Variants in CCSER1 observed in about 807,000 individuals in gnomAD.
CCSER1 encodes the protein serine-rich coiled-coil domain-containing protein 1.
CCSER1 carries 41 observed loss-of-function variants against 82.0 expected under a neutral mutation model. The observed-to-expected ratio is 0.50, with a 90% CI of 0.39 to 0.65. The LOEUF is 0.65. Ranked by LOEUF, CCSER1 falls within the 30% of genes least tolerant of loss-of-function variation. The pLI is 0.00. For missense variants in CCSER1, 1,119 were observed against 1,064.2 expected (o/e 1.05, Z -0.72); for synonymous variants, 414 against 383.9 (o/e 1.08, Z -0.92).
chr4:91,490,927 T>TATATAA (rs1560712521), intron 10 of CCSER1, among the ~76,000 whole-genome samples: 4 of 82,912 alleles, frequency 4.8e-5, no homozygotes, highest in African/African-American at 1.0e-4. Context: ...TATATATATA[T>TATATAA]AAAATATGCG....
intron 7 of CCSER1, among the ~76,000 whole-genome samples, chr4:90,759,379 A>T (rs944576675): frequency 6.6e-6 from 1 of 152,194 alleles, no homozygotes; most frequent in Non-Finnish European, 1.5e-5. Context: ...AATAGGACAA[A>T]ATGCTACCTC....
At chr4:90,352,893 T>A in intron 3 of CCSER1, among the ~76,000 whole-genome samples, 2 of 152,340 alleles carry the variant, frequency 1.3e-5, no homozygotes, top group Middle Eastern at 3.4e-3. Context: ...TTTAGCTTAC[T>A]GCTCCCCAGA....
At chr4:91,387,832 G>C (rs1751395346) in intron 10 of CCSER1, among the ~76,000 whole-genome samples, 1 of 151,980 alleles carries the variant, frequency 6.6e-6, no homozygotes, top group Non-Finnish European at 1.5e-5. Context: ...GTTCTTGAAG[G>C]AGCATTTAAA....
chr4:90,667,910 A>G (rs549795960), intron 6 of CCSER1, among the ~76,000 whole-genome samples: 2 of 152,302 alleles, frequency 1.3e-5, no homozygotes, highest in African/African-American at 4.8e-5. Flanking sequence ...CTGAAAATCT[A>G]TGCTAAACTT....
chr4:90,337,543 A>T (rs1453292399), intron 3 of CCSER1, among the ~76,000 whole-genome samples: 1 of 152,152 alleles, frequency 6.6e-6, no homozygotes, highest in East Asian at 1.9e-4. Flanking sequence ...ATTATTTTTC[A>T]CATACTACAA....
intron 10 of CCSER1, among the ~76,000 whole-genome samples, chr4:91,468,180 GGAA>G (rs1757041280): frequency 6.6e-6 from 1 of 152,094 alleles, no homozygotes; most frequent in Non-Finnish European, 1.5e-5. Context: ...CCATAAAAAA[GGAA>G]GAGTTCATGT....
Position 90,309,101 on chromosome 4 carries a change from G to A in CCSER1, c.817G>A (p.Ala273Thr). 6.2e-7 allele frequency: 1 copy of A among 1,613,876 alleles called. No individual in the cohort carries two copies. Among genetic ancestry groups the A allele is most frequent in the Non-Finnish European group, 8.5e-7 (1 of 1,179,852 alleles). ...LTEDSVSEMD[A>T]FSKSGSMASH... ...TGAAGATTCTGTGTCTGAAATGGATGCATTTTCTAAAAGTGGAAGCATGGC... is the reference window on the plus strand; with the variant it reads ...TGAAGATTCTGTGTCTGAAATGGATACATTTTCTAAAAGTGGAAGCATGGC... The change falls in exon 2 of 11, where the codon GCA becomes ACA. Residue 273 changes from alanine to threonine, a missense_variant. Physicochemically the swap from Ala to Thr is moderately conservative, Grantham distance 58. Transcript: ENST00000509176.
At chr4:91,021,636 C>T (rs951583132) in intron 9 of CCSER1, among the ~76,000 whole-genome samples, 2 of 152,082 alleles carry the variant, frequency 1.3e-5, no homozygotes, top group African/African-American at 4.8e-5. Context: ...TTAGGCTGAA[C>T]CATTCAGTTA....
At chr4:91,421,805 A>G (rs903019418) in intron 10 of CCSER1, among the ~76,000 whole-genome samples, 1 of 150,830 alleles carries the variant, frequency 6.6e-6, no homozygotes, top group African/African-American at 2.5e-5. Flanking sequence ...AATTAAAAAA[A>G]GTTAAAAAAA....
chr4:90,807,309 A>G (rs1161478634), intron 7 of CCSER1, among the ~76,000 whole-genome samples: 1 of 152,222 alleles, frequency 6.6e-6, no homozygotes, highest in Admixed American at 6.5e-5. Flanking sequence ...GTCTAGGAGT[A>G]TAAGTATTAA....
At chr4:90,158,462 G>T (rs567663067) in intron 1 of CCSER1, among the ~76,000 whole-genome samples, 1 of 152,152 alleles carries the variant, frequency 6.6e-6, no homozygotes, top group Admixed American at 6.5e-5. Flanking sequence ...TTTTGTTTTT[G>T]TGTGCCCTGC....
chr4:91,301,384 C>T (rs1463428416), intron 10 of CCSER1, among the ~76,000 whole-genome samples: 1 of 151,632 alleles, frequency 6.6e-6, no homozygotes, highest in Non-Finnish European at 1.5e-5. Flanking sequence ...GGATTATCTA[C>T]TATAACATGA....
chr4:91,037,904 CATATCTCTGGATA>C (rs1307542258), intron 9 of CCSER1, among the ~76,000 whole-genome samples: 1 of 152,018 alleles, frequency 6.6e-6, no homozygotes, highest in African/African-American at 2.4e-5. Context: ...ATACAACAGA[CATATCTCTGGATA>C]GTAAAAATAT....
At chr4:90,706,373 A>G (rs1299332731) in intron 6 of CCSER1, among the ~76,000 whole-genome samples, 1 of 152,086 alleles carries the variant, frequency 6.6e-6, no homozygotes, top group African/African-American at 2.4e-5. Flanking sequence ...TTAAGCCCCA[A>G]AGTTGAAGTC....
At chr4:90,133,132 A>G (rs1463014463) in intron 1 of CCSER1, among the ~76,000 whole-genome samples, 3 of 152,184 alleles carry the variant, frequency 2.0e-5, no homozygotes, top group Non-Finnish European at 4.4e-5. Flanking sequence ...ACTGAAGGCT[A>G]TGTCTTTCTT....
chr4:91,418,303 T>TAAAAAAAAAAAA (rs142070235), intron 10 of CCSER1, among the ~76,000 whole-genome samples: 16 of 113,602 alleles, frequency 1.4e-4, no homozygotes, highest in African/African-American at 3.2e-4. Flanking sequence ...ATTTTTTAAT[T>TAAAAAAAAAAAA]AAAAAAAAAA....
intron 9 of CCSER1, among the ~76,000 whole-genome samples, chr4:91,083,319 C>A (rs1581511715): frequency 6.6e-6 from 1 of 151,982 alleles, no homozygotes; most frequent in Non-Finnish European, 1.5e-5. Context: ...GGACAGAAAA[C>A]CAAACACCTC....
intron 10 of CCSER1, among the ~76,000 whole-genome samples, chr4:91,216,444 C>T (rs914680588): frequency 1.3e-5 from 2 of 152,028 alleles, no homozygotes; most frequent in African/African-American, 2.4e-5. Context: ...CTCAGCCTCC[C>T]GAATAGCTGG....
chr4:90,282,703 G>T (rs1729100752), intron 1 of CCSER1, among the ~76,000 whole-genome samples: 1 of 151,934 alleles, frequency 6.6e-6, no homozygotes, highest in Admixed American at 6.6e-5. Context: ...ATTGGTTAAA[G>T]AAAGTCATAT....
Sources: allele counts gnomAD v4.1 joint callset (sites outside exome capture counted in the v4.1 genomes callset), GRCh38; gene constraint gnomAD v4.1.1; transcripts MANE v1.5; gene names NCBI Gene and HGNC (gene_info 2026-07-23, HGNC 2026-07-21).